The following ACOT11 variants were observed in gnomAD, a reference collection of about 807,000 sequenced individuals.
ACOT11 encodes the protein acyl-CoA thioesterase 11, also known as acyl-coenzyme A thioesterase 11.
Under a neutral mutation model 77.5 loss-of-function variants are expected in ACOT11, and 69 were observed. The observed-to-expected ratio is 0.89, with a 90% CI of 0.73 to 1.09. ACOT11 has a LOEUF of 1.09. Among genes scored for constraint, ACOT11 ranks in the 50% least tolerant of loss-of-function variants. The pLI is 0.00. For missense variants in ACOT11, 766 were observed against 813.7 expected, an observed-to-expected ratio of 0.94 and a Z score of 0.71; for synonymous variants, 279 against 313.0, an observed-to-expected ratio of 0.89 and a Z score of 1.15.
At chr1:54,569,129 T>A (rs71503623) in intron 1 of ACOT11, among the ~76,000 whole-genome samples, 4,010 of 33,054 alleles carry the variant, frequency 0.12, 193 homozygotes, top group African/African-American at 0.35. Context: ...AAAAAAATAA[T>A]TTTTTTTTTT....
chr1:54,612,416 T>G, downstream of ACOT11: 195 of 1,159,006 alleles, frequency 1.7e-4, no homozygotes, highest in Non-Finnish European at 2.3e-4. Context: ...CTTCCAGCCA[T>G]GAGCTTCTGG....
At chr1:54,602,638 A>G in intron 9 of ACOT11, 31 bp from the exon 10 acceptor site, 1 of 1,494,092 alleles carries the variant, frequency 6.7e-7, no homozygotes, top group South Asian at 1.3e-5. Context: ...GGGTGGGGGT[A>G]GCTGGTTGCC....
chr1:54,554,954 T>TTGTC (rs1250201471), intron 1 of ACOT11, among the ~76,000 whole-genome samples: 1 of 125,210 alleles, frequency 8.0e-6, no homozygotes, highest in Non-Finnish European at 1.6e-5. Flanking sequence ...TCTTCTGGTT[T>TTGTC]TGTTTGTTTG....
intron 1 of ACOT11, among the ~76,000 whole-genome samples, chr1:54,567,428 AC>A: frequency 6.6e-6 from 1 of 151,704 alleles, no homozygotes; most frequent in African/African-American, 2.4e-5. Flanking sequence ...ATAGGCACCT[AC>A]CACCACACCC....
intron 15 of ACOT11, chr1:54,623,478 C>G (rs1430802067): frequency 1.0e-6 from 1 of 981,190 alleles, no homozygotes; most frequent in Non-Finnish European, 1.6e-6. Context: ...CTGTGGGAGG[C>G]AGGAGCTCCC....
chr1:54,602,823 T>A, intron 10 of ACOT11, 99 bp downstream of exon 10: 1 of 1,290,988 alleles, frequency 7.7e-7, no homozygotes, highest in South Asian at 1.8e-5. Context: ...GCCTGTGCGT[T>A]GGGCCCTGGG....
intron 15 of ACOT11, among the ~76,000 whole-genome samples, chr1:54,621,160 CAAAAAAA>C (rs55905389): frequency 4.6e-5 from 5 of 107,982 alleles, no homozygotes; most frequent in Non-Finnish European, 7.7e-5. Context: ...GACACTGTCT[CAAAAAAA>C]AAAAAAAACC....
intron 7 of ACOT11, 174 bp downstream of exon 7, chr1:54,597,589 A>G (rs1435924085): frequency 1.1e-5 from 9 of 839,818 alleles, no homozygotes; most frequent in Non-Finnish European, 1.4e-5. Context: ...TTGTTCTACT[A>G]AAAAAGCTAG....
In ACOT11 at chr1:54,609,594, G is replaced by A; in HGVS notation, c.*482G>A. ...CCCAGCACCTCCTCAGGCCAGCCTG[G>A]TGCCACAGTCACGTGGGGGAAGACC... On this transcript the variant is annotated 3_prime_UTR_variant, in exon 16 of 16. Coordinates refer to ENST00000343744, the MANE Select transcript of ACOT11 (RefSeq NM_147161.4). The A allele has an allele frequency of 6.2e-7, 1 of 1,613,230 alleles. No individual in the cohort carries two copies. Among genetic ancestry groups the A allele is most frequent in the Non-Finnish European group, 8.5e-7 (1 of 1,180,044 alleles).
At chr1:54,586,767 C>T (rs1654516970) in intron 3 of ACOT11, among the ~76,000 whole-genome samples, 1 of 151,998 alleles carries the variant, frequency 6.6e-6, no homozygotes, top group Non-Finnish European at 1.5e-5. Flanking sequence ...AATGGCTGTA[C>T]AGAATAGAAG....
At chr1:54,611,019 G>A (rs1039886128), downstream of ACOT11, 1 of 985,244 alleles carries the variant, frequency 1.0e-6, no homozygotes, top group African/African-American at 1.7e-5. Flanking sequence ...AATAATGGGG[G>A]GTTTGGAATT....
At position 54,599,356 on chromosome 1, in the gene ACOT11, G is replaced by A. The variant is rs115208360; in HGVS notation, c.825G>A (p.Pro275=). 5.2e-4 allele frequency: 830 copies of A among 1,608,894 alleles called. 7 individuals are homozygous for A. The African/African-American group carries it at 9.3e-3, about 18-fold the overall frequency. The stretch of plus-strand genomic sequence containing the variant: ...TTGAAATGTTCCACTTCCGAGGCCC[G>A]TCCCAGGTCGGCGACCGTCTGGTGC... ...KAIEMFHFRG[P]SQVGDRLVLK... is the part of the protein sequence containing the mutation. The change falls in exon 8 of 16, where the codon CCG becomes CCA. Residue 275 remains proline, a synonymous_variant. Transcript: ENST00000343744.
intron 1 of ACOT11, among the ~76,000 whole-genome samples, chr1:54,573,429 A>G (rs1653989986): frequency 6.6e-6 from 1 of 152,220 alleles, no homozygotes; most frequent in Non-Finnish European, 1.5e-5. Flanking sequence ...AAAAGAGATA[A>G]TGTGTAAAAA....
chr1:54,610,630 A>G, downstream of ACOT11: 1 of 1,560,880 alleles, frequency 6.4e-7, no homozygotes, highest in South Asian at 1.2e-5. Context: ...AGGGTCCCAT[A>G]GGCCACAGCT....
intron 1 of ACOT11, chr1:54,573,164 G>T (rs1653982855): frequency 1.0e-6 from 1 of 985,452 alleles, no homozygotes; most frequent in South Asian, 4.7e-5. Context: ...GGAAGAGCCG[G>T]TGGATGTCAC....
chr1:54,577,779 T>C (rs1654167238), intron 1 of ACOT11, among the ~76,000 whole-genome samples: 3 of 152,232 alleles, frequency 2.0e-5, no homozygotes, highest in African/African-American at 7.2e-5. Flanking sequence ...TTCCCACCAG[T>C]AATGTACACA....
At chr1:54,616,319 T>G in intron 15 of ACOT11, 1 of 749,336 alleles carries the variant, frequency 1.3e-6, no homozygotes, top group Non-Finnish European at 2.1e-6. Flanking sequence ...CCATCATAGT[T>G]TCACATTTCG....
chr1:54,602,067 G>A (rs1200666698), intron 9 of ACOT11, among the ~76,000 whole-genome samples: 1 of 152,232 alleles, frequency 6.6e-6, no homozygotes, highest in Non-Finnish European at 1.5e-5. Context: ...GTGGAGCCTC[G>A]GGACTGGGAG....
At chr1:54,550,494 T>C (rs1161516577) in intron 1 of ACOT11, among the ~76,000 whole-genome samples, 2 of 152,156 alleles carry the variant, frequency 1.3e-5, no homozygotes, top group Non-Finnish European at 1.5e-5. Context: ...AAGCTGTTTT[T>C]AATGAAAAGC....
Sources: allele counts gnomAD v4.1 joint callset (sites outside exome capture counted in the v4.1 genomes callset), GRCh38; gene constraint gnomAD v4.1.1; transcripts MANE v1.5; gene names NCBI Gene and HGNC (gene_info 2026-07-23, HGNC 2026-07-21).